CPEB2: variants seen among roughly 807,000 people sequenced by gnomAD.
The protein encoded by CPEB2 is cytoplasmic polyadenylation element-binding protein 2.
CPEB2 carries 56 observed loss-of-function variants against 93.6 expected under a neutral mutation model. The observed-to-expected ratio is 0.60, with a 90% CI of 0.48 to 0.75. The LOEUF is 0.75. Ranked by LOEUF, CPEB2 falls within the 30% of genes least tolerant of loss-of-function variation. The probability of loss-of-function intolerance (pLI) is 0.00; values close to 1 mark genes in which losing one functional copy is unlikely to be tolerated. For synonymous variants in CPEB2, 764 were observed against 586.3 expected (o/e 1.30, Z -4.38); for missense variants, 1,579 against 1,395.1 (o/e 1.13, Z -2.10).
chr4:15,003,172 A>G lies in CPEB2; in HGVS notation c.499A>G (p.Ser167Gly), dbSNP rs1722215314. ...CCGCACCTCCTCCCCGCAGGACTTCAGTAAGCGGCAGCAGCAGCAGCTGAG... is the reference window on the plus strand; with the variant it reads ...CCGCACCTCCTCCCCGCAGGACTTCGGTAAGCGGCAGCAGCAGCAGCTGAG... ...CCRTSSPQDF[S>G]KRQQQQLSSQ... The change falls in exon 1 of 12, where the codon AGT becomes GGT. Residue 167 changes from serine (S) to glycine (G), a missense_variant. This residue lies in a region of CPEB2 where 1,411 missense variants were observed against 1,056.0 expected (regional missense o/e 1.34). Coordinates refer to ENST00000538197, the MANE Select transcript of CPEB2 (RefSeq NM_001177382.2). 2 of 1,532,832 alleles carry G rather than the reference A, an allele frequency of 1.3e-6. No homozygotes were observed. Among genetic ancestry groups the G allele is most frequent in the Admixed American group, 2.0e-5 (1 of 50,808 alleles). The allele number at this position is 1,532,832 out of a possible 1,614,324, so 95.0% of individuals were successfully genotyped here.
chr4:15,051,618 C>G (rs1015902046), intron 6 of CPEB2, among the ~76,000 whole-genome samples: 1 of 152,186 alleles, frequency 6.6e-6, no homozygotes, highest in Non-Finnish European at 1.5e-5. Context: ...TTATTTGACT[C>G]CTTTCCTCCA....
At chr4:15,011,533 C>G (rs1375071728) in intron 3 of CPEB2, among the ~76,000 whole-genome samples, 1 of 152,096 alleles carries the variant, frequency 6.6e-6, no homozygotes, top group Non-Finnish European at 1.5e-5. Flanking sequence ...GCAGCCAGAT[C>G]CAGCAATGTG....
intron 6 of CPEB2, among the ~76,000 whole-genome samples, chr4:15,047,892 TC>T (rs1298887058): frequency 6.7e-6 from 1 of 150,336 alleles, no homozygotes; most frequent in Non-Finnish European, 1.5e-5. Flanking sequence ...TCCCTCCTAC[TC>T]CTAGTTTTCT....
intron 4 of CPEB2, among the ~76,000 whole-genome samples, chr4:15,027,869 A>C (rs1403987744): frequency 6.6e-6 from 1 of 152,150 alleles, no homozygotes; most frequent in East Asian, 1.9e-4. Flanking sequence ...TAAGAGGTAG[A>C]TATTTACCCT....
chr4:15,035,603 T>A (rs1726530475), intron 5 of CPEB2, among the ~76,000 whole-genome samples: 1 of 152,166 alleles, frequency 6.6e-6, no homozygotes, highest in Non-Finnish European at 1.5e-5. Context: ...ATAACTGATA[T>A]TTTAAACTAT....
At position 15,003,911 on chromosome 4, in the gene CPEB2, C is replaced by T. The variant is rs1722391762; in HGVS notation, c.1238C>T (p.Pro413Leu). The change falls in exon 1 of 12, where the codon CCC becomes CTC. Residue 413 changes from proline to leucine, a missense_variant. Around this residue, in one of 2 missense-constraint regions of CPEB2, gnomAD observed 1,411 missense variants for 1,056.0 expected, o/e 1.34. Transcript: ENST00000538197. Reference protein sequence around the residue: ...QQQPPPPQQPPQPQPQPPGSS... With the variant: ...QQQPPPPQQPLQPQPQPPGSS... ...CAGCCGCCGCCACCCCAGCAGCCGC[C>T]CCAGCCGCAGCCGCAGCCGCCCGGC... 1 of 1,006,266 alleles carries T rather than the reference C, an allele frequency of 9.9e-7. No individual in the cohort carries two copies. The highest frequency in any genetic ancestry group is 1.7e-5 in the African/African-American group (1 of 57,846). The allele number at this position is 1,006,266 out of a possible 1,614,324, so 62.3% of individuals were successfully genotyped here.
intron 6 of CPEB2, 39 bp from the exon 7 acceptor site, chr4:15,052,375 C>T: frequency 7.8e-7 from 1 of 1,284,474 alleles, no homozygotes; most frequent in Non-Finnish European, 1.0e-6. Flanking sequence ...ATCATTTTCT[C>T]AGATCTGAGA....
intron 3 of CPEB2, among the ~76,000 whole-genome samples, chr4:15,011,281 A>C (rs568072685): frequency 1.3e-5 from 2 of 151,990 alleles, no homozygotes; most frequent in South Asian, 4.1e-4. Context: ...TTATATTATT[A>C]GCAGAGACAG....
rs1179271396 is a variant in CPEB2 at position 15,002,823 on chromosome 4, A to G, written c.150A>G (p.Pro50=). Residue 50 remains proline (P), a synonymous_variant, in exon 1 of 12, where the codon CCA becomes CCG. Coordinates refer to ENST00000538197, the MANE Select transcript of CPEB2 (RefSeq NM_001177382.2). ...CCACGCCCTTCGGCCCACTGTCGCC[A>G]CCACCGTTGCCTGTCACCGGCTTCT... ...PSATPFGPLS[P]PPLPVTGFLE... is the part of the protein sequence containing the mutation. 13 of 1,534,854 alleles carry G rather than the reference A, an allele frequency of 8.5e-6. No homozygotes were observed. The highest frequency in any genetic ancestry group is 1.2e-5 in the South Asian group (1 of 83,980).
intron 8 of CPEB2, among the ~76,000 whole-genome samples, chr4:15,057,243 G>GAA (rs560648026): frequency 2.0e-3 from 301 of 152,140 alleles, no homozygotes; most frequent in Middle Eastern, 0.014. Context: ...CTTACCTTTG[G>GAA]AAGTTTGTAT....
intron 4 of CPEB2, among the ~76,000 whole-genome samples, chr4:15,023,122 A>G (rs1435604351): frequency 1.3e-5 from 2 of 152,046 alleles, no homozygotes; most frequent in African/African-American, 2.4e-5. Context: ...TATTCAGAAC[A>G]TATATGTGCT....
rs1431641341 is a variant in CPEB2, at chr4:15,003,291, T to C, written c.618T>C (p.Gly206=). The change falls in exon 1 of 12, where the codon GGT becomes GGC. Residue 206 remains glycine, a synonymous_variant. Transcript: ENST00000538197. The stretch of plus-strand genomic sequence containing the variant: ...CGCCTCCGCCGCTCCACTGCCCCGG[T>C]CGGTTCAGCCCGCCGCCGCCGCCAG... ...PPPPPPLHCP[G]RFSPPPPPAG... is the part of the protein sequence containing the mutation. 4.0e-6 allele frequency: 6 copies of C among 1,505,422 alleles called. No homozygotes were observed. Among genetic ancestry groups the C allele is most frequent in the South Asian group, 1.2e-5 (1 of 81,212 alleles). 93.3% of individuals were successfully genotyped at this position (1,505,422 alleles called of 1,614,324 possible). A position where few individuals can be genotyped will look rare whatever the true frequency, so the allele number is the denominator to read the frequency against.
chr4:15,002,611 G>T lies in CPEB2; in HGVS notation c.-63G>T, dbSNP rs1722096735. The T allele has an allele frequency of 7.3e-7, 1 of 1,364,480 alleles. No homozygotes were observed. The highest frequency in any genetic ancestry group is 1.5e-5 in the South Asian group (1 of 67,778). 84.5% of individuals were successfully genotyped at this position (1,364,480 alleles called of 1,614,324 possible). ...ACCACGGCCGCGCAACCCCAGCGCC[G>T]GCGGCTTCCTAGGTGGGGCAGGGGA... On this transcript the variant is annotated 5_prime_UTR_variant, in exon 1 of 12. Transcript: ENST00000538197.
intron 7 of CPEB2, among the ~76,000 whole-genome samples, chr4:15,052,926 C>T (rs1728364649): frequency 6.6e-6 from 1 of 151,866 alleles, no homozygotes; most frequent in East Asian, 1.9e-4. Flanking sequence ...ATAATGTGTG[C>T]ATGCACACAT....
At chr4:15,044,609 G>A (rs1179615189) in intron 6 of CPEB2, among the ~76,000 whole-genome samples, 1 of 152,214 alleles carries the variant, frequency 6.6e-6, no homozygotes, top group East Asian at 1.9e-4. Context: ...TTTTTAAGCC[G>A]TTAGTGTGTA....
rs1277480476 is a variant in CPEB2 at position 15,066,724 on chromosome 4, T to G, written c.*344T>G. 9.8e-6 allele frequency: 2 copies of G among 204,256 alleles called. No homozygotes were observed. Among genetic ancestry groups the G allele is most frequent in the Non-Finnish European group, 2.0e-5 (2 of 100,998 alleles). 12.7% of individuals were successfully genotyped at this position (204,256 alleles called of 1,614,324 possible). ...GCTATATAGTGGGGGAAGCGTGCAC[T>G]TATTTCTAAACATGGGTTTTTAACT... On this transcript the variant is annotated 3_prime_UTR_variant, in exon 12 of 12. Coordinates refer to ENST00000538197, the MANE Select transcript of CPEB2 (RefSeq NM_001177382.2).
In CPEB2 at chr4:15,004,032, G is replaced by A; in HGVS notation, c.1359G>A (p.Leu453=). ...PDSENGFYPG[L]PSSMNPAFFP... ...CAGAGAACGGCTTCTACCCCGGGCT[G>A]CCGTCGTCCATGAACCCGGCCTTCT... The change falls in exon 1 of 12, where the codon CTG becomes CTA. Residue 453 remains leucine (L), a synonymous_variant. Transcript: ENST00000538197. The A allele has an allele frequency of 6.4e-7, 1 of 1,563,862 alleles. No homozygotes were observed. Among genetic ancestry groups the A allele is most frequent in the Non-Finnish European group, 8.6e-7 (1 of 1,157,914 alleles).
rs1157142277 is a variant in CPEB2, at chr4:15,002,754, G to A, written c.81G>A (p.Ala27=). 7 of 1,535,472 alleles carry A rather than the reference G, an allele frequency of 4.6e-6. No homozygotes were observed. The highest frequency in any genetic ancestry group is 4.9e-5 in the East Asian group (2 of 40,784). ...SSPGPLFCGE[A]YGPYAVGSVN... is the part of the protein sequence containing the mutation. Reference sequence around the variant, plus strand: ...CTGGGCCCCTGTTCTGCGGCGAGGCGTATGGTCCTTACGCCGTGGGGTCCG... The same window carrying A: ...CTGGGCCCCTGTTCTGCGGCGAGGCATATGGTCCTTACGCCGTGGGGTCCG... The change falls in exon 1 of 12, where the codon GCG becomes GCA. Residue 27 remains alanine, a synonymous_variant. Transcript: ENST00000538197.
At chr4:15,041,797 A>G (rs970501778) in intron 6 of CPEB2, among the ~76,000 whole-genome samples, 1 of 152,152 alleles carries the variant, frequency 6.6e-6, no homozygotes, top group African/African-American at 2.4e-5. Context: ...GACAACCAAA[A>G]CTAGTATTTT....
Sources: allele counts gnomAD v4.1 joint callset (sites outside exome capture counted in the v4.1 genomes callset), GRCh38; gene constraint gnomAD v4.1.1; regional missense constraint gnomAD v4.1.1; transcripts MANE v1.5; gene names NCBI Gene and HGNC (gene_info 2026-07-23, HGNC 2026-07-21).